The following KCNK2 variants were observed in gnomAD, a reference collection of about 807,000 sequenced individuals.
KCNK2 encodes potassium channel subfamily K member 2.
KCNK2 carries 21 observed loss-of-function variants against 40.5 expected under a neutral mutation model. The observed-to-expected ratio is 0.52, with a 90% confidence interval of 0.37 to 0.75. KCNK2 has a LOEUF of 0.75. Ranked by LOEUF, KCNK2 falls within the 30% of genes least tolerant of loss-of-function variation. KCNK2 has a pLI of 0.00. For synonymous variants in KCNK2, 191 were observed against 202.2 expected, an observed-to-expected ratio of 0.94 and a Z score of 0.47; for missense variants, 399 against 531.6, an observed-to-expected ratio of 0.75 and a Z score of 2.45.
chr1:215,047,714 C>T (rs76340206), intron 1 of KCNK2, among the ~76,000 whole-genome samples: 2,042 of 152,194 alleles, frequency 0.013, 45 homozygotes, highest in African/African-American at 0.047. Context: ...TTGAACTTTT[C>T]CTCTTGTTTT....
rs555076850 is a variant in KCNK2 at position 215,152,490 on chromosome 1, G to A, written c.476-16709G>A. ...CATGCTGTCTTCCCTGGTTTTCAGTGTAGTAAATCTTTGTCTCTTTGTGTG... is the reference window on the plus strand; with the variant it reads ...CATGCTGTCTTCCCTGGTTTTCAGTATAGTAAATCTTTGTCTCTTTGTGTG... On this transcript the variant is annotated intron_variant, in intron 3 of 6. Coordinates refer to ENST00000444842, the MANE Select transcript of KCNK2 (RefSeq NM_001017425.3). 1.4e-3 allele frequency among the ~76,000 whole-genome samples: 209 copies of A among 152,194 alleles called. 2 individuals are homozygous for A. The highest frequency in any genetic ancestry group is 4.7e-3 in the African/African-American group (196 of 41,534).
upstream of KCNK2, among the ~76,000 whole-genome samples, chr1:215,005,565 G>A (rs989771087): frequency 7.2e-5 from 11 of 152,198 alleles, no homozygotes; most frequent in Admixed American, 7.2e-4. Flanking sequence ...AATAAGTGAC[G>A]CTGGCAACTT....
intron 2 of KCNK2, among the ~76,000 whole-genome samples, chr1:215,104,288 T>C (rs969823925): frequency 6.6e-6 from 1 of 152,074 alleles, no homozygotes; most frequent in South Asian, 2.1e-4. Flanking sequence ...CTGTGACTTC[T>C]GGTTTTTCAA....
intron 1 of KCNK2, among the ~76,000 whole-genome samples, chr1:215,034,341 T>C (rs1294920936): frequency 8.4e-6 from 1 of 118,748 alleles, no homozygotes; most frequent in African/African-American, 3.4e-5. Flanking sequence ...TGGGCACTTA[T>C]GTTGTTTTCA....
At chr1:215,006,037 T>C in intron 1 of KCNK2, 2 of 1,157,132 alleles carry the variant, frequency 1.7e-6, no homozygotes, top group South Asian at 2.5e-5. Flanking sequence ...AAGCAAGTAT[T>C]TGATGTAAGG....
At chr1:215,042,348 C>T (rs149676985) in intron 1 of KCNK2, among the ~76,000 whole-genome samples, 49 of 152,124 alleles carry the variant, frequency 3.2e-4, no homozygotes, top group African/African-American at 1.1e-3. Flanking sequence ...GTTGCCCAGA[C>T]GGGGTGTTGT....
At chr1:215,127,735 C>T (rs1247245790) in intron 3 of KCNK2, among the ~76,000 whole-genome samples, 1 of 152,138 alleles carries the variant, frequency 6.6e-6, no homozygotes, top group African/African-American at 2.4e-5. Flanking sequence ...TAATTATTTG[C>T]ATCTTGTCTG....
chr1:215,177,871 A>T (rs1361337978), intron 5 of KCNK2, among the ~76,000 whole-genome samples: 1 of 143,864 alleles, frequency 7.0e-6, no homozygotes, highest in African/African-American at 2.6e-5. Context: ...CTCCTTTTTG[A>T]TTCTATATGA....
intron 2 of KCNK2, among the ~76,000 whole-genome samples, chr1:215,098,349 C>G (rs751300736): frequency 6.6e-6 from 1 of 151,832 alleles, no homozygotes; most frequent in Non-Finnish European, 1.5e-5. Context: ...CATGGTGACT[C>G]TTGAGCCTTC....
intron 3 of KCNK2, among the ~76,000 whole-genome samples, chr1:215,151,884 C>T (rs932387417): frequency 9.9e-5 from 15 of 152,118 alleles, no homozygotes; most frequent in African/African-American, 3.1e-4. Flanking sequence ...TATTGAACGT[C>T]TACATCTTTT....
chr1:215,142,701 A>G (rs149428048), intron 3 of KCNK2, among the ~76,000 whole-genome samples: 27 of 152,266 alleles, frequency 1.8e-4, no homozygotes, highest in Middle Eastern at 3.4e-3. Flanking sequence ...TTGGTTGCCA[A>G]TGAGTGCATT....
chr1:215,148,334 C>T (rs191233413), intron 3 of KCNK2, among the ~76,000 whole-genome samples: 160 of 151,890 alleles, frequency 1.1e-3, no homozygotes, highest in Admixed American at 1.8e-3. Flanking sequence ...CTCAACCTCC[C>T]AAAGTGCTGA....
At chr1:215,209,986 AT>A (rs1665642480) in intron 6 of KCNK2, among the ~76,000 whole-genome samples, 1 of 5,998 alleles carries the variant, frequency 1.7e-4, no homozygotes, top group Non-Finnish European at 2.3e-3. Context: ...TATATTATAT[AT>A]AATATATAAT....
Position 215,230,559 on chromosome 1 carries a change from CAT to C in KCNK2, c.964-4253_964-4252del, listed in dbSNP as rs71167818. ...TATATATATACACACACATAACAGC[CAT>C]ATATATATATATATACAAGACCGTA... On this transcript the variant is annotated intron_variant, in intron 6 of 6. Transcript: ENST00000444842. Among the ~76,000 whole-genome samples the C allele has an allele frequency of 3.2e-3, 345 of 109,470 alleles. 6 individuals carry two copies. Among genetic ancestry groups the C allele is most frequent in the African/African-American group, 4.2e-3 (104 of 24,950 alleles). The allele number at this position is 109,470 out of a possible 152,430, so 71.8% of individuals were successfully genotyped here. A position where few individuals can be genotyped will look rare whatever the true frequency, so the allele number is the denominator to read the frequency against.
intron 3 of KCNK2, among the ~76,000 whole-genome samples, chr1:215,129,770 T>C (rs1283341543): frequency 3.3e-5 from 5 of 152,264 alleles, no homozygotes; most frequent in East Asian, 1.9e-4. Context: ...CTATAGGTCC[T>C]GGTAACATTC....
intron 6 of KCNK2, among the ~76,000 whole-genome samples, chr1:215,231,457 C>T (rs375305809): frequency 6.6e-6 from 1 of 152,040 alleles, no homozygotes; most frequent in South Asian, 2.1e-4. Flanking sequence ...GCTATGTGCT[C>T]GGTGTTGCTC....
At chr1:215,129,166 A>C (rs898000314) in intron 3 of KCNK2, among the ~76,000 whole-genome samples, 1 of 152,236 alleles carries the variant, frequency 6.6e-6, no homozygotes, top group Admixed American at 6.5e-5. Context: ...CAAAATATTG[A>C]AAGTGAAGTG....
intron 6 of KCNK2, among the ~76,000 whole-genome samples, chr1:215,199,441 T>C (rs1159329817): frequency 6.6e-6 from 1 of 152,218 alleles, no homozygotes; most frequent in East Asian, 1.9e-4. Context: ...TCTGAAATAT[T>C]TGAAGAGGAA....
Position 215,234,961 on chromosome 1 carries a change from C to T in KCNK2, c.1097C>T (p.Ser366Leu), listed in dbSNP as rs769208249. 6 of 1,613,884 alleles carry T rather than the reference C, an allele frequency of 3.7e-6. No individual in the cohort carries two copies. The highest frequency in any genetic ancestry group is 2.7e-5 in the African/African-American group (2 of 74,874). ...QRATSIKRKL[S>L]AELAGNHNQE... is the part of the protein sequence containing the mutation. ...GCCACCTCCATCAAGCGGAAGCTCT[C>T]GGCAGAACTGGCTGGAAACCACAAT... The change falls in exon 7 of 7, where the codon TCG becomes TTG. Residue 366 changes from serine (S) to leucine (L), a missense_variant. Physicochemically the swap from Ser to Leu is moderately radical, Grantham distance 145. Transcript: ENST00000444842.
Sources: gnomAD v4.1 joint callset for allele counts (sites outside exome capture counted in the v4.1 genomes callset) on GRCh38, gnomAD v4.1.1 for gene constraint, MANE v1.5 for transcripts, NCBI Gene and HGNC (gene_info 2026-07-23, HGNC 2026-07-21) for gene names.